Variants in DPYSL3 observed in about 807,000 individuals in gnomAD.
DPYSL3 encodes the protein dihydropyrimidinase like 3, also known as dihydropyrimidinase-related protein 3.
A neutral mutation model predicts 66.1 loss-of-function variants in DPYSL3; 16 were observed. The ratio of observed to expected loss-of-function variants is 0.24; its 90% CI spans 0.16 to 0.37. The LOEUF (loss-of-function observed/expected upper bound fraction) is 0.37, where lower values mean the gene tolerates loss of function less well. Ranked by LOEUF, DPYSL3 falls within the 10% of genes least tolerant of loss-of-function variation. The probability of loss-of-function intolerance (pLI) is 1.00; values close to 1 mark genes in which losing one functional copy is unlikely to be tolerated. For synonymous variants in DPYSL3, 338 were observed against 345.1 expected, an observed-to-expected ratio of 0.98 and a Z score of 0.23; for missense variants, 738 against 916.2, an observed-to-expected ratio of 0.81 and a Z score of 2.51.
chr5:147,425,389 A>G (rs963117878), intron 1 of DPYSL3, among the ~76,000 whole-genome samples: 1 of 152,248 alleles, frequency 6.6e-6, no homozygotes, highest in Non-Finnish European at 1.5e-5. Context: ...GGTTAGGCGT[A>G]CAAGGAAAGA....
chr5:147,499,003 A>G (rs1312967219), intron 1 of DPYSL3, among the ~76,000 whole-genome samples: 2 of 152,156 alleles, frequency 1.3e-5, no homozygotes, highest in African/African-American at 2.4e-5. Flanking sequence ...GCCCGTGCCT[A>G]TGACCTAAAT....
chr5:147,414,633 G>A (rs1158738022), intron 4 of DPYSL3, among the ~76,000 whole-genome samples: 2 of 152,206 alleles, frequency 1.3e-5, no homozygotes, highest in African/African-American at 4.8e-5. Context: ...TGATAAAGAA[G>A]TGAGTGTTAA....
At chr5:147,491,168 T>C (rs1319807768) in intron 1 of DPYSL3, among the ~76,000 whole-genome samples, 8 of 152,120 alleles carry the variant, frequency 5.3e-5, no homozygotes, top group Non-Finnish European at 7.4e-5. Flanking sequence ...AATACGCAAC[T>C]CCAGCACCCT....
chr5:147,453,581 A>G, intron 1 of DPYSL3: 1 of 1,538,820 alleles, frequency 6.5e-7, no homozygotes, highest in Non-Finnish European at 8.8e-7. Context: ...TTGCCTTGGT[A>G]GGACATGGTG....
At chr5:147,426,020 TC>T (rs1474216286) in intron 1 of DPYSL3, among the ~76,000 whole-genome samples, 2 of 151,954 alleles carry the variant, frequency 1.3e-5, no homozygotes. Flanking sequence ...CATCCATCCA[TC>T]CATCCATCCA....
intron 12 of DPYSL3, 103 bp from the exon 13 acceptor site, chr5:147,395,824 A>G: frequency 4.0e-6 from 5 of 1,240,076 alleles, no homozygotes; most frequent in Admixed American, 2.4e-5. Context: ...GGTGGGAGCT[A>G]GGAATTAACA....
intron 13 of DPYSL3, among the ~76,000 whole-genome samples, chr5:147,394,572 T>C (rs754833475): frequency 1.3e-5 from 2 of 152,062 alleles, no homozygotes; most frequent in Non-Finnish European, 2.9e-5. Flanking sequence ...GCAGTGATGG[T>C]CAGGTCTTTG....
intron 3 of DPYSL3, 117 bp downstream of exon 3, chr5:147,418,330 C>T (rs1450335115): frequency 2.8e-6 from 3 of 1,077,410 alleles, no homozygotes; most frequent in African/African-American, 1.6e-5. Context: ...TCAGGCAACA[C>T]ATCTATAAAC....
chr5:147,400,667 C>T (rs1232245547), intron 10 of DPYSL3, 25 bp downstream of exon 10: 1 of 1,609,636 alleles, frequency 6.2e-7, no homozygotes, highest in Non-Finnish European at 8.5e-7. Flanking sequence ...GCTCTGGCCA[C>T]CCTCCCATGA....
intron 1 of DPYSL3, among the ~76,000 whole-genome samples, chr5:147,443,475 TGTTGGGG>T: frequency 6.6e-6 from 1 of 151,812 alleles, no homozygotes. Flanking sequence ...CACCAGGGCC[TGTTGGGG>T]GTTGGGGGGG....
intron 1 of DPYSL3, among the ~76,000 whole-genome samples, chr5:147,493,587 A>G (rs1753452783): frequency 1.3e-5 from 2 of 151,992 alleles, no homozygotes; most frequent in African/African-American, 4.8e-5. Flanking sequence ...AAAAAGAAAG[A>G]AAGGAAGGAA....
Position 147,509,558 on chromosome 5 carries a change from C to T in DPYSL3, c.301G>A (p.Ala101Thr). Reference protein sequence around the residue: ...GREESREPAPASPAPAGVEIR... With the variant: ...GREESREPAPTSPAPAGVEIR... The stretch of plus-strand genomic sequence containing the variant: ...TCTACCCCGGCGGGGGCGGGGGAGG[C>T]GGGCGCGGGCTCCCTGCTCTCTTCC... Residue 101 changes from alanine (A) to threonine (T), a missense_variant, in exon 1 of 14, where the codon GCC becomes ACC. Ala to Thr is a moderately conservative substitution (Grantham distance 58). Transcript: ENST00000343218. The surrounding 1 kb of genome is among the most constrained non-coding windows in gnomAD (Gnocchi z 5.3). 1 of 1,534,920 alleles carries T rather than the reference C, an allele frequency of 6.5e-7. No individual in the cohort carries two copies. The highest frequency in any genetic ancestry group is 8.7e-7 in the Non-Finnish European group (1 of 1,146,468).
At chr5:147,469,227 A>G (rs1201131497) in intron 1 of DPYSL3, among the ~76,000 whole-genome samples, 2 of 152,202 alleles carry the variant, frequency 1.3e-5, no homozygotes, top group African/African-American at 4.8e-5. Flanking sequence ...GGCAATATCA[A>G]TACACCTCCT....
At chr5:147,401,720 A>T (rs1317987651) in intron 8 of DPYSL3, 24 bp from the exon 9 acceptor site, 6 of 1,613,588 alleles carry the variant, frequency 3.7e-6, no homozygotes, top group Middle Eastern at 3.3e-4. Flanking sequence ...GAAACAGACA[A>T]GGGGTTAGCA....
intron 1 of DPYSL3, among the ~76,000 whole-genome samples, chr5:147,478,019 A>C (rs1004054810): frequency 4.6e-5 from 7 of 152,174 alleles, no homozygotes; most frequent in African/African-American, 7.2e-5. Flanking sequence ...ACCAGAATTC[A>C]TGTCTCTTGT....
intron 1 of DPYSL3, among the ~76,000 whole-genome samples, chr5:147,500,848 A>G (rs1753596331): frequency 6.6e-6 from 1 of 152,176 alleles, no homozygotes; most frequent in Admixed American, 6.5e-5. Context: ...AGCAACAAGA[A>G]TACTCATTCA....
chr5:147,460,106 G>A (rs545686091), intron 1 of DPYSL3, among the ~76,000 whole-genome samples: 8 of 149,938 alleles, frequency 5.3e-5, no homozygotes, highest in African/African-American at 2.0e-4. Flanking sequence ...ACGAGACTCC[G>A]TCTCAGAAAA....
intron 1 of DPYSL3, among the ~76,000 whole-genome samples, chr5:147,505,324 T>C (rs910272552): frequency 4.0e-5 from 6 of 149,020 alleles, no homozygotes; most frequent in Non-Finnish European, 8.9e-5. Context: ...AACCTCCACC[T>C]CCCGGGTTCA....
chr5:147,453,754 G>C (rs1752792007), intron 1 of DPYSL3: 3 of 1,317,272 alleles, frequency 2.3e-6, no homozygotes, highest in Non-Finnish European at 1.9e-6. Context: ...TCCCGCGGCG[G>C]CTGCCAGAGA....
Sources: gnomAD v4.1 joint callset for allele counts (sites outside exome capture counted in the v4.1 genomes callset) on GRCh38, gnomAD v4.1.1 for gene constraint, Gnocchi (gnomAD v3.1) non-coding constraint, MANE v1.5 for transcripts, NCBI Gene and HGNC (gene_info 2026-07-23, HGNC 2026-07-21) for gene names.